MBOAT2: variants seen among roughly 807,000 people sequenced by gnomAD.
MBOAT2 encodes the protein membrane bound glycerophospholipid O-acyltransferase 2.
A neutral mutation model predicts 63.4 loss-of-function variants in MBOAT2; 28 were observed. The observed-to-expected ratio is 0.44, with a 90% CI of 0.33 to 0.61. MBOAT2 has a LOEUF of 0.61. Ranked by LOEUF, MBOAT2 falls within the 20% of genes least tolerant of loss-of-function variation. The pLI is 0.03. For missense variants in MBOAT2, 470 were observed against 605.8 expected, an observed-to-expected ratio of 0.78 and a Z score of 2.35; for synonymous variants, 211 against 215.6, an observed-to-expected ratio of 0.98 and a Z score of 0.19.
chr2:8,869,208 ATTTTTT>A (rs750568440), intron 8 of MBOAT2, among the ~76,000 whole-genome samples: 3 of 124,966 alleles, frequency 2.4e-5, no homozygotes, highest in East Asian at 2.3e-4. Flanking sequence ...CATCATGCCT[ATTTTTT>A]TTTTTTTTTT....
Position 8,888,003 on chromosome 2 carries a change from T to C in MBOAT2, c.451+15A>G, listed in dbSNP as rs781116416. 6.2e-7 allele frequency: 1 copy of C among 1,608,916 alleles called. No individual in the cohort carries two copies. The highest frequency in any genetic ancestry group is 1.1e-5 in the South Asian group (1 of 90,726). ...AAATTTTTTCAGCAATAAAAATTAA[T>C]TTCAGAATTCTTACCATCATGAATT... On this transcript the variant is annotated intron_variant, in intron 5 of 12. Transcript: ENST00000305997.
chr2:8,973,966 A>AATTGT (rs1189261807), intron 1 of MBOAT2, among the ~76,000 whole-genome samples: 15 of 152,174 alleles, frequency 9.9e-5, no homozygotes, highest in Non-Finnish European at 1.6e-4. Flanking sequence ...TGATAATATC[A>AATTGT]AAATTGGAAA....
chr2:8,945,215 TC>T (rs896307825), intron 2 of MBOAT2, among the ~76,000 whole-genome samples: 16 of 152,262 alleles, frequency 1.1e-4, no homozygotes, highest in African/African-American at 3.9e-4. Context: ...GCTGCAACAA[TC>T]CAAGTTCAGC....
chr2:8,887,001 C>T (rs1245661091), intron 5 of MBOAT2, among the ~76,000 whole-genome samples: 1 of 152,110 alleles, frequency 6.6e-6, no homozygotes, highest in African/African-American at 2.4e-5. Context: ...AAATTATAAT[C>T]CAAGAAAAAA....
At position 8,858,537 on chromosome 2, in the gene MBOAT2, G is replaced by A; in HGVS notation, c.*142C>T. On this transcript the variant is annotated 3_prime_UTR_variant, in exon 13 of 13. Coordinates refer to ENST00000305997, the MANE Select transcript of MBOAT2 (RefSeq NM_138799.4). ...CTTGTTTCACTCCATTTCCAATCTG[G>A]TGTACAGGAAATTCCTTATCTATAA... is the stretch of plus-strand genomic sequence containing the variant. The A allele has an allele frequency of 1.6e-6, 1 of 612,030 alleles. No individual in the cohort carries two copies. The highest frequency in any genetic ancestry group is 2.8e-6 in the Non-Finnish European group (1 of 355,224). The allele number at this position is 612,030 out of a possible 1,614,324, so 37.9% of individuals were successfully genotyped here. A position where few individuals can be genotyped will look rare whatever the true frequency, so the allele number is the denominator to read the frequency against.
intron 3 of MBOAT2, among the ~76,000 whole-genome samples, chr2:8,929,895 T>C (rs1278307394): frequency 6.6e-6 from 1 of 152,196 alleles, no homozygotes; most frequent in African/African-American, 2.4e-5. Flanking sequence ...GCTTAAAATA[T>C]TCCTAACATC....
chr2:8,901,878 T>C (rs1185114445), intron 4 of MBOAT2, among the ~76,000 whole-genome samples: 2 of 151,726 alleles, frequency 1.3e-5, no homozygotes, highest in Non-Finnish European at 1.5e-5. Flanking sequence ...GGACTAGCCT[T>C]GGAGAAGAGA....
chr2:8,885,126 C>T (rs1019176006), intron 5 of MBOAT2, among the ~76,000 whole-genome samples: 1 of 152,068 alleles, frequency 6.6e-6, no homozygotes, highest in Non-Finnish European at 1.5e-5. Context: ...AATGGAATGG[C>T]GTATCTTCCA....
intron 3 of MBOAT2, among the ~76,000 whole-genome samples, chr2:8,916,214 A>C (rs556957340): frequency 6.6e-6 from 1 of 152,328 alleles, no homozygotes; most frequent in South Asian, 2.1e-4. Flanking sequence ...AATGAAAATG[A>C]GGTGCCTTGT....
chr2:8,896,391 C>T (rs1664475098), intron 4 of MBOAT2, among the ~76,000 whole-genome samples: 1 of 151,908 alleles, frequency 6.6e-6, no homozygotes, highest in Non-Finnish European at 1.5e-5. Flanking sequence ...CCTCCTTTCT[C>T]AGCAGTGAGG....
In MBOAT2 at chr2:8,858,600, A is replaced by G. The variant is rs191016616; in HGVS notation, c.*79T>C. ...CCCCAGTTAACTGCTTTTCCAACAA[A>G]CTCAAACCCCTTGAAAAGGTGCTAA... On this transcript the variant is annotated 3_prime_UTR_variant, in exon 13 of 13. Coordinates refer to ENST00000305997, the MANE Select transcript of MBOAT2 (RefSeq NM_138799.4). 3.7e-6 allele frequency: 4 copies of G among 1,092,842 alleles called. No homozygotes were observed. Among genetic ancestry groups the G allele is most frequent in the African/African-American group, 1.6e-5 (1 of 63,418 alleles). The allele number at this position is 1,092,842 out of a possible 1,614,324, so 67.7% of individuals were successfully genotyped here.
At chr2:8,927,781 G>C (rs1385596248) in intron 3 of MBOAT2, among the ~76,000 whole-genome samples, 6 of 152,188 alleles carry the variant, frequency 3.9e-5, no homozygotes, top group Non-Finnish European at 8.8e-5. Flanking sequence ...TCACCTATCA[G>C]TGTCAGGCAG....
rs1672817630 is a variant in MBOAT2 at position 9,003,041 on chromosome 2, TC to T, written c.75+498del. Reference sequence around the variant, plus strand: ...GCCCCTAGCACCCATCGACGCCGTCTCTAAGGCACCCAGCACACCCAGACCC... The same window carrying T: ...GCCCCTAGCACCCATCGACGCCGTCTTAAGGCACCCAGCACACCCAGACCC... On this transcript the variant is annotated intron_variant, in intron 1 of 12. Coordinates refer to ENST00000305997, the MANE Select transcript of MBOAT2 (RefSeq NM_138799.4). The surrounding 1 kb of genome is among the most constrained non-coding windows in gnomAD (Gnocchi z 5.4). Among the ~76,000 whole-genome samples, 2 of 151,964 alleles carry T rather than the reference TC, an allele frequency of 1.3e-5. No homozygotes were observed. Among genetic ancestry groups the T allele is most frequent in the African/African-American group, 4.8e-5 (2 of 41,382 alleles).
chr2:8,952,142 G>A (rs574647713), intron 2 of MBOAT2, among the ~76,000 whole-genome samples: 1 of 152,134 alleles, frequency 6.6e-6, no homozygotes. Flanking sequence ...TTATTTCAAA[G>A]AATTTTTATG....
At chr2:8,935,145 G>A (rs1428760506) in intron 3 of MBOAT2, among the ~76,000 whole-genome samples, 1 of 152,154 alleles carries the variant, frequency 6.6e-6, no homozygotes, top group Admixed American at 6.5e-5. Flanking sequence ...AGCCTAAGAG[G>A]AAGAAAAGCA....
chr2:8,903,014 T>C (rs546022860), intron 4 of MBOAT2, among the ~76,000 whole-genome samples: 51 of 152,278 alleles, frequency 3.3e-4, no homozygotes, highest in African/African-American at 1.2e-3. Context: ...GATTGGTGCG[T>C]TTACAATCCT....
intron 3 of MBOAT2, among the ~76,000 whole-genome samples, chr2:8,917,637 G>A (rs1666282039): frequency 6.6e-6 from 1 of 152,220 alleles, no homozygotes; most frequent in African/African-American, 2.4e-5. Context: ...CTGCCAGTGG[G>A]AGTGTAGAAT....
chr2:8,951,972 GGTTA>G (rs1362266172), intron 2 of MBOAT2, among the ~76,000 whole-genome samples: 2 of 152,056 alleles, frequency 1.3e-5, no homozygotes, highest in African/African-American at 4.8e-5. Context: ...CTAGCTTTGA[GGTTA>G]GTTTGTTCTC....
chr2:8,887,038 T>C (rs945088216), intron 5 of MBOAT2, among the ~76,000 whole-genome samples: 53 of 152,166 alleles, frequency 3.5e-4, no homozygotes, highest in Admixed American at 1.8e-3. Flanking sequence ...ATACTGTTAA[T>C]TGACAAAGGA....
Sources: gnomAD v4.1 joint callset for allele counts (sites outside exome capture counted in the v4.1 genomes callset) on GRCh38, gnomAD v4.1.1 for gene constraint, Gnocchi (gnomAD v3.1) non-coding constraint, MANE v1.5 for transcripts, NCBI Gene and HGNC (gene_info 2026-07-23, HGNC 2026-07-21) for gene names.